SEMA3A: variants seen among roughly 807,000 people sequenced by gnomAD.
The protein encoded by SEMA3A is semaphorin 3A, also known as semaphorin-3A.
A neutral mutation model predicts 97.9 loss-of-function variants in SEMA3A; 29 were observed. The ratio of observed to expected loss-of-function variants is 0.30; its 90% confidence interval spans 0.22 to 0.40. SEMA3A has a LOEUF of 0.40. Ranked by LOEUF, SEMA3A falls within the 10% of genes least tolerant of loss-of-function variation. The pLI is 1.00. For synonymous variants in SEMA3A, 321 were observed against 323.7 expected (o/e 0.99, Z 0.09); for missense variants, 763 against 951.3 (o/e 0.80, Z 2.60).
intron 1 of SEMA3A, among the ~76,000 whole-genome samples, chr7:84,153,812 A>G (rs1227756387): frequency 6.6e-6 from 1 of 152,148 alleles, no homozygotes; most frequent in East Asian, 1.9e-4. Flanking sequence ...AAAATCTTGA[A>G]TAGTTCAAAT....
chr7:84,437,104 G>T (rs958599305), intron 1 of SEMA3A, among the ~76,000 whole-genome samples: 1 of 152,004 alleles, frequency 6.6e-6, no homozygotes, highest in African/African-American at 2.4e-5. Context: ...CTGAATAAAA[G>T]ATCACAAGCG....
chr7:84,435,336 G>A (rs1037533358), intron 1 of SEMA3A, among the ~76,000 whole-genome samples: 28 of 152,092 alleles, frequency 1.8e-4, no homozygotes, highest in African/African-American at 6.3e-4. Context: ...GAGGCTGGGT[G>A]CAGTGGCTCA....
chr7:84,218,481 A>G (rs1443444748), intron 3 of SEMA3A, among the ~76,000 whole-genome samples: 1 of 152,110 alleles, frequency 6.6e-6, no homozygotes, highest in Non-Finnish European at 1.5e-5. Context: ...CTAATAGAAA[A>G]TTATGTATAA....
At chr7:83,999,961 T>C (rs965568115) in intron 12 of SEMA3A, among the ~76,000 whole-genome samples, 3 of 126,108 alleles carry the variant, frequency 2.4e-5, no homozygotes, top group East Asian at 3.9e-4. Context: ...TTATGCATGG[T>C]CTCCTTGAGG....
chr7:84,491,147 G>A (rs1247453115), intron 1 of SEMA3A, among the ~76,000 whole-genome samples: 1 of 151,982 alleles, frequency 6.6e-6, no homozygotes, highest in Admixed American at 6.6e-5. Context: ...TACCGTCATG[G>A]CTTTTAAATC....
In SEMA3A at chr7:83,985,480, A is replaced by G. The variant is rs1408668223; in HGVS notation, c.1453-3T>C. ...ATTGCTGAAATAGCAGTCGGTTCCTAAAGGAGAAAAAGAAATATGTGAGGT... is the reference window on the plus strand; with the variant it reads ...ATTGCTGAAATAGCAGTCGGTTCCTGAAGGAGAAAAAGAAATATGTGAGGT... On this transcript the variant is annotated splice_polypyrimidine_tract_variant and splice_region_variant and intron_variant, in intron 12 of 16. Transcript: ENST00000265362. The G allele has an allele frequency of 6.2e-7, 1 of 1,606,804 alleles. No homozygotes were observed. The highest frequency in any genetic ancestry group is 1.1e-5 in the South Asian group (1 of 90,678).
intron 1 of SEMA3A, among the ~76,000 whole-genome samples, chr7:84,484,877 G>C (rs1212265374): frequency 6.6e-6 from 1 of 152,070 alleles, no homozygotes; most frequent in Admixed American, 6.6e-5. Flanking sequence ...CAGTCCAAAG[G>C]AATGGAACTA....
At chr7:84,040,604 C>T (rs1358333180) in intron 6 of SEMA3A, among the ~76,000 whole-genome samples, 1 of 152,070 alleles carries the variant, frequency 6.6e-6, no homozygotes, top group Non-Finnish European at 1.5e-5. Context: ...AGGCCGGTCA[C>T]ACCATGGTTA....
rs1798163515 is a variant in SEMA3A at position 84,194,675 on chromosome 7, G to T, written c.-89C>A. On this transcript the variant is annotated 5_prime_UTR_variant, in exon 1 of 17. Coordinates refer to ENST00000265362, the MANE Select transcript of SEMA3A (RefSeq NM_006080.3). The stretch of plus-strand genomic sequence containing the variant: ...AGTTCAAACAATCTGGAAACTGGAG[G>T]TAACAGGTGATTTAGGTCAGTTTCA... 1 of 791,668 alleles carries T rather than the reference G, an allele frequency of 1.3e-6. No homozygotes were observed. The highest frequency in any genetic ancestry group is 2.2e-6 in the Non-Finnish European group (1 of 459,428). The allele number at this position is 791,668 out of a possible 1,614,324, so 49.0% of individuals were successfully genotyped here.
intron 3 of SEMA3A, among the ~76,000 whole-genome samples, chr7:84,292,326 A>G (rs897266934): frequency 1.3e-5 from 2 of 151,966 alleles, no homozygotes; most frequent in East Asian, 3.9e-4. Flanking sequence ...ACTATGGCAC[A>G]TGGTTTTATT....
intron 3 of SEMA3A, among the ~76,000 whole-genome samples, chr7:84,215,974 A>C: frequency 6.6e-6 from 1 of 152,186 alleles, no homozygotes; most frequent in East Asian, 1.9e-4. Context: ...ATGAACTGTT[A>C]AACATTATTA....
At chr7:84,225,463 G>A (rs546336418) in intron 3 of SEMA3A, among the ~76,000 whole-genome samples, 2 of 152,194 alleles carry the variant, frequency 1.3e-5, no homozygotes, top group Admixed American at 6.6e-5. Flanking sequence ...CGAAAGTAAC[G>A]AAGTAGGTCT....
intron 2 of SEMA3A, among the ~76,000 whole-genome samples, chr7:84,337,608 A>C (rs138869798): frequency 6.6e-6 from 1 of 152,242 alleles, no homozygotes; most frequent in Non-Finnish European, 1.5e-5. Context: ...TTCAAATTCA[A>C]TTTAACATAA....
chr7:84,154,474 G>A (rs1464627940), intron 1 of SEMA3A, among the ~76,000 whole-genome samples: 1 of 151,850 alleles, frequency 6.6e-6, no homozygotes, highest in Admixed American at 6.6e-5. Context: ...TCAGGAGTTC[G>A]AGACCAGCCT....
At chr7:84,312,664 T>C in intron 2 of SEMA3A, among the ~76,000 whole-genome samples, 1 of 149,356 alleles carries the variant, frequency 6.7e-6, no homozygotes, top group South Asian at 2.1e-4. Context: ...CACATTTGTG[T>C]GCTTGTACAC....
intron 3 of SEMA3A, among the ~76,000 whole-genome samples, chr7:84,240,425 G>A (rs1259663014): frequency 6.6e-6 from 1 of 152,054 alleles, no homozygotes; most frequent in Non-Finnish European, 1.5e-5. Context: ...GAGAGGGCGG[G>A]GGGATTGGGC....
At chr7:84,331,807 T>C (rs1421565313) in intron 2 of SEMA3A, among the ~76,000 whole-genome samples, 1 of 152,074 alleles carries the variant, frequency 6.6e-6, no homozygotes, top group Non-Finnish European at 1.5e-5. Context: ...CGTGCGTGCA[T>C]GCTCCTTTTG....
At chr7:84,134,497 G>A (rs1198136359) in intron 2 of SEMA3A, among the ~76,000 whole-genome samples, 1 of 152,180 alleles carries the variant, frequency 6.6e-6, no homozygotes, top group Non-Finnish European at 1.5e-5. Flanking sequence ...CAATTATGAT[G>A]TATTGCTACG....
rs1010247975 is a variant in SEMA3A, at chr7:84,060,472, A to G, written c.540T>C (p.Leu180=). The G allele has an allele frequency of 6.3e-7, 1 of 1,582,744 alleles. No individual in the cohort carries two copies. Among genetic ancestry groups the G allele is most frequent in the Non-Finnish European group, 8.6e-7 (1 of 1,168,220 alleles). Residue 180 remains leucine (L), a synonymous_variant, in exon 5 of 17, where the codon CTT becomes CTC. Transcript: ENST00000265362. ...PYDPKLLTAS[L]LIDGELYSGT... Reference sequence around the variant, plus strand: ...TGATTGTTGACTACGCACCTATTAAAAGGGATGCTGTCAGCAGCTTAGGGT... The same window carrying G: ...TGATTGTTGACTACGCACCTATTAAGAGGGATGCTGTCAGCAGCTTAGGGT...
Sources: gnomAD v4.1 joint callset for allele counts (sites outside exome capture counted in the v4.1 genomes callset) on GRCh38, gnomAD v4.1.1 for gene constraint, MANE v1.5 for transcripts, NCBI Gene and HGNC (gene_info 2026-07-23, HGNC 2026-07-21) for gene names.